BCO1: variants seen among roughly 807,000 people sequenced by gnomAD.
BCO1 encodes beta-carotene oxygenase 1.
In BCO1, 54 loss-of-function variants were observed where a neutral mutation model predicts 56.3. The ratio of observed to expected loss-of-function variants is 0.96; its 90% CI spans 0.77 to 1.20. The LOEUF is 1.20. Ranked by LOEUF, BCO1 falls within the 50% of genes most tolerant of loss-of-function variation. The probability of loss-of-function intolerance (pLI) is 0.00; values close to 1 mark genes in which losing one functional copy is unlikely to be tolerated. For synonymous variants in BCO1, 318 were observed against 266.1 expected, an observed-to-expected ratio of 1.20 and a Z score of -1.90; for missense variants, 801 against 690.9, an observed-to-expected ratio of 1.16 and a Z score of -1.79.
chr16:81,252,716 C>G (rs1905885603), intron 2 of BCO1, among the ~76,000 whole-genome samples: 1 of 152,188 alleles, frequency 6.6e-6, no homozygotes. Flanking sequence ...TAGCATGTAG[C>G]TGAGGACCAG....
At chr16:81,249,739 A>G (rs1414356281) in intron 2 of BCO1, among the ~76,000 whole-genome samples, 1 of 152,182 alleles carries the variant, frequency 6.6e-6, no homozygotes, top group South Asian at 2.1e-4. Flanking sequence ...GGCTGGGAAA[A>G]TAGGAAACCC....
chr16:81,274,484 T>A, intron 7 of BCO1, among the ~76,000 whole-genome samples: 1 of 152,244 alleles, frequency 6.6e-6, no homozygotes, highest in East Asian at 1.9e-4. Context: ...CAGGATGGTC[T>A]CGATCTTCTG....
chr16:81,261,943 C>T, intron 3 of BCO1, 193 bp from the exon 4 acceptor site: 2 of 597,686 alleles, frequency 3.3e-6, no homozygotes, highest in Non-Finnish European at 6.0e-6. Context: ...GGGGTTTCAC[C>T]GTGTTGGCCA....
chr16:81,282,912 T>C (rs1023885343), intron 8 of BCO1, among the ~76,000 whole-genome samples: 1 of 152,162 alleles, frequency 6.6e-6, no homozygotes, highest in African/African-American at 2.4e-5. Flanking sequence ...GACATTAGAT[T>C]TGTTCACGTA....
At chr16:81,289,901 G>A (rs189380305) in intron 10 of BCO1, among the ~76,000 whole-genome samples, 26 of 152,234 alleles carry the variant, frequency 1.7e-4, no homozygotes, top group Admixed American at 9.8e-4. Flanking sequence ...GTTTCACTCC[G>A]TCACCCAGGC....
chr16:81,258,045 A>G (rs990098711), intron 2 of BCO1, among the ~76,000 whole-genome samples: 2 of 152,138 alleles, frequency 1.3e-5, no homozygotes, highest in African/African-American at 4.8e-5. Flanking sequence ...GACAGGGGTC[A>G]CAGTGACGCA....
intron 3 of BCO1, 50 bp from the exon 4 acceptor site, chr16:81,262,086 T>C (rs1906519556): frequency 6.2e-7 from 1 of 1,603,824 alleles, no homozygotes; most frequent in Non-Finnish European, 8.5e-7. Context: ...TAGACTTCTC[T>C]GGCTGGGTGG....
intron 1 of BCO1, among the ~76,000 whole-genome samples, chr16:81,240,685 A>C (rs1905069152): frequency 6.6e-6 from 1 of 152,042 alleles, no homozygotes; most frequent in African/African-American, 2.4e-5. Flanking sequence ...GGCCTTGGCA[A>C]GAGTGAGACC....
At chr16:81,266,619 C>T (rs79014535) in intron 5 of BCO1, among the ~76,000 whole-genome samples, 1 of 152,200 alleles carries the variant, frequency 6.6e-6, no homozygotes, top group African/African-American at 2.4e-5. Context: ...GCTCAGAATC[C>T]TAGAATGCCA....
chr16:81,275,920 T>C (rs895840895), intron 7 of BCO1, among the ~76,000 whole-genome samples: 1 of 149,462 alleles, frequency 6.7e-6, no homozygotes, highest in African/African-American at 2.5e-5. Context: ...AGTGGCGGGG[T>C]GTGGCTGGGA....
chr16:81,267,550 T>C (rs991037887), intron 5 of BCO1, among the ~76,000 whole-genome samples: 2 of 152,062 alleles, frequency 1.3e-5, no homozygotes, highest in Non-Finnish European at 2.9e-5. Flanking sequence ...GAGGCGGAGA[T>C]TGAAGTGGGC....
intron 2 of BCO1, among the ~76,000 whole-genome samples, chr16:81,248,761 C>T (rs1905587638): frequency 6.6e-6 from 1 of 152,116 alleles, no homozygotes; most frequent in Non-Finnish European, 1.5e-5. Context: ...CCTGTAATCC[C>T]AGCACTTTGG....
At chr16:81,274,659 C>T (rs1432246786) in intron 7 of BCO1, among the ~76,000 whole-genome samples, 1 of 152,176 alleles carries the variant, frequency 6.6e-6, no homozygotes, top group African/African-American at 2.4e-5. Flanking sequence ...CAGGTGATCA[C>T]CTGAGGTCAG....
intron 8 of BCO1, among the ~76,000 whole-genome samples, chr16:81,282,782 G>A (rs749754915): frequency 1.3e-5 from 2 of 151,894 alleles, no homozygotes; most frequent in East Asian, 1.9e-4. Context: ...CCGTGACAGC[G>A]CTTTGGGCTA....
chr16:81,275,242 C>T (rs1422802733), intron 7 of BCO1, among the ~76,000 whole-genome samples: 4 of 152,242 alleles, frequency 2.6e-5, no homozygotes, highest in East Asian at 1.9e-4. Flanking sequence ...CTGTCTGAAA[C>T]CCTGTCCTCC....
intron 7 of BCO1, among the ~76,000 whole-genome samples, chr16:81,279,546 G>C (rs1269617473): frequency 6.6e-6 from 1 of 152,160 alleles, no homozygotes; most frequent in South Asian, 2.1e-4. Context: ...AGGCATTCTT[G>C]TGAATCATTT....
intron 7 of BCO1, among the ~76,000 whole-genome samples, chr16:81,270,749 ATT>A (rs79990424): frequency 4.0e-5 from 5 of 126,568 alleles, no homozygotes; most frequent in East Asian, 2.2e-4. Flanking sequence ...ATTGTACATA[ATT>A]TTTTTTTTTT....
At chr16:81,253,775 G>A (rs1905955685) in intron 2 of BCO1, among the ~76,000 whole-genome samples, 1 of 152,018 alleles carries the variant, frequency 6.6e-6, no homozygotes, top group Non-Finnish European at 1.5e-5. Context: ...ACCAGCCTAG[G>A]CAATATAGCA....
rs1351864094 is a variant in BCO1 at position 81,267,899 on chromosome 16, T to A, written c.620-9T>A. The A allele has an allele frequency of 2.2e-5, 35 of 1,613,234 alleles. No homozygotes were observed. The highest frequency in any genetic ancestry group is 2.7e-5 in the Non-Finnish European group (32 of 1,179,692). Reference sequence around the variant, plus strand: ...CACAATTCCTGAGGCTTGCTTTTTGTCTTGCTAGAGGGCAAGAAGCAGGGG... The same window carrying A: ...CACAATTCCTGAGGCTTGCTTTTTGACTTGCTAGAGGGCAAGAAGCAGGGG... On this transcript the variant is annotated splice_polypyrimidine_tract_variant and intron_variant, in intron 5 of 10. Transcript: ENST00000258168.
Sources: allele counts gnomAD v4.1 joint callset (sites outside exome capture counted in the v4.1 genomes callset), GRCh38; gene constraint gnomAD v4.1.1; transcripts MANE v1.5; gene names NCBI Gene and HGNC (gene_info 2026-07-23, HGNC 2026-07-21).